SMOC2: variants seen among roughly 807,000 people sequenced by gnomAD.
The protein encoded by SMOC2 is SPARC-related modular calcium-binding protein 2.
SMOC2 carries 39 observed loss-of-function variants against 61.4 expected under a neutral mutation model. The observed-to-expected ratio is 0.64, with a 90% CI of 0.49 to 0.83. SMOC2 has a LOEUF of 0.83. Among genes scored for constraint, SMOC2 ranks in the 40% least tolerant of loss-of-function variants. The pLI is 0.00. For missense variants in SMOC2, 556 were observed against 592.9 expected (o/e 0.94, Z 0.65); for synonymous variants, 247 against 239.9 (o/e 1.03, Z -0.27).
chr6:168,631,033 G>A (rs1428343986), intron 9 of SMOC2, among the ~76,000 whole-genome samples: 1 of 149,008 alleles, frequency 6.7e-6, no homozygotes, highest in Non-Finnish European at 1.5e-5. Context: ...CTTGCCTTGT[G>A]ATATTCTATT....
chr6:168,469,897 G>T (rs1781933149), intron 1 of SMOC2, among the ~76,000 whole-genome samples: 1 of 152,218 alleles, frequency 6.6e-6, no homozygotes, highest in African/African-American at 2.4e-5. Context: ...GTTGTCTTGG[G>T]TTGGAAGACT....
chr6:168,510,003 G>A lies in SMOC2; in HGVS notation c.173G>A (p.Arg58Lys). 4 of 1,614,184 alleles carry A rather than the reference G, an allele frequency of 2.5e-6. No homozygotes were observed. The highest frequency in any genetic ancestry group is 3.4e-6 in the Non-Finnish European group (4 of 1,180,034). The part of the protein sequence containing the change: ...PQKPLCASDG[R>K]TFLSRCEFQR... Reference sequence around the variant, plus strand: ...AAACCTCTCTGCGCATCTGACGGAAGGACCTTCCTTTCCCGTTGTGAATTT... The same window carrying A: ...AAACCTCTCTGCGCATCTGACGGAAAGACCTTCCTTTCCCGTTGTGAATTT... The change falls in exon 2 of 13, where the codon AGG becomes AAG. Residue 58 changes from arginine to lysine, a missense_variant. Transcript: ENST00000356284.
At position 168,544,507 on chromosome 6, in the gene SMOC2, T is replaced by C. The variant is rs1431510780; in HGVS notation, c.511+835T>C. On this transcript the variant is annotated intron_variant, in intron 5 of 12. Transcript: ENST00000356284. The surrounding 1 kb of genome is among the most constrained non-coding windows in gnomAD (Gnocchi z 4.1). ...GGCCAAAATGGTGAAACGCCATCTC[T>C]ACTAAAAAGACAAAAATTAACCAGG... Among the ~76,000 whole-genome samples the C allele has an allele frequency of 6.6e-6, 1 of 152,058 alleles. No homozygotes were observed. Among genetic ancestry groups the C allele is most frequent in the African/African-American group, 2.4e-5 (1 of 41,392 alleles).
intron 7 of SMOC2, among the ~76,000 whole-genome samples, chr6:168,591,729 T>C (rs546582495): frequency 6.6e-6 from 1 of 151,046 alleles, no homozygotes; most frequent in Non-Finnish European, 1.5e-5. Flanking sequence ...ATTGCTTCTA[T>C]TTGCGTCTTT....
chr6:168,483,338 CAAA>C (rs1782255175), intron 1 of SMOC2, among the ~76,000 whole-genome samples: 1 of 151,792 alleles, frequency 6.6e-6, no homozygotes, highest in Admixed American at 6.6e-5. Flanking sequence ...CAATTCTGTT[CAAA>C]ATAATATTAA....
At chr6:168,534,501 C>A (rs1479561961) in intron 4 of SMOC2, among the ~76,000 whole-genome samples, 2 of 152,212 alleles carry the variant, frequency 1.3e-5, no homozygotes, top group Non-Finnish European at 2.9e-5. Flanking sequence ...GGTGATGACT[C>A]CAGAGGCCCT....
At chr6:168,531,386 C>G (rs1783598561) in intron 4 of SMOC2, among the ~76,000 whole-genome samples, 2 of 152,238 alleles carry the variant, frequency 1.3e-5, no homozygotes, top group Admixed American at 6.5e-5. Flanking sequence ...TGCAACGCCA[C>G]TGAAAGCGGT....
At chr6:168,543,903 G>C (rs572096142) in intron 5 of SMOC2, among the ~76,000 whole-genome samples, 1 of 152,066 alleles carries the variant, frequency 6.6e-6, no homozygotes, top group Non-Finnish European at 1.5e-5. Context: ...GGCTTGTTTC[G>C]GGACCAACGG....
intron 7 of SMOC2, among the ~76,000 whole-genome samples, chr6:168,550,674 A>C (rs970495579): frequency 1.2e-4 from 18 of 152,172 alleles, no homozygotes; most frequent in Non-Finnish European, 4.4e-5. Context: ...GGAGATGAGG[A>C]AGGGCAAACC....
chr6:168,664,607 G>A, intron 12 of SMOC2: 1 of 418,834 alleles, frequency 2.4e-6, no homozygotes, highest in African/African-American at 2.1e-5. Flanking sequence ...GCATAAGCAG[G>A]TGCATTTCTG....
At chr6:168,664,437 G>A (rs1787605169) in intron 12 of SMOC2, 2 of 389,024 alleles carry the variant, frequency 5.1e-6, no homozygotes, top group Non-Finnish European at 9.2e-6. Context: ...GTTCTGCCAT[G>A]TTGCCCAGGC....
chr6:168,591,311 A>G (rs1454291398), intron 7 of SMOC2, among the ~76,000 whole-genome samples: 2 of 152,244 alleles, frequency 1.3e-5, no homozygotes, highest in Non-Finnish European at 2.9e-5. Context: ...GCACACAGGC[A>G]ATGCTCGTGG....
intron 9 of SMOC2, among the ~76,000 whole-genome samples, chr6:168,638,292 G>T (rs193290642): frequency 1.2e-3 from 189 of 152,276 alleles, no homozygotes; most frequent in Middle Eastern, 3.4e-3. Flanking sequence ...TTTGACTTTG[G>T]TTTTCACCAC....
intron 1 of SMOC2, among the ~76,000 whole-genome samples, chr6:168,455,269 C>T (rs761467614): frequency 1.9e-4 from 29 of 152,190 alleles, no homozygotes; most frequent in Non-Finnish European, 3.7e-4. Flanking sequence ...TATGAGTTTT[C>T]TTCTTTAAGA....
chr6:168,557,989 C>G (rs1037010840), intron 7 of SMOC2, among the ~76,000 whole-genome samples: 4 of 152,244 alleles, frequency 2.6e-5, no homozygotes, highest in Admixed American at 6.5e-5. Flanking sequence ...AGTTCCAGAG[C>G]TGCTGGCCTC....
At chr6:168,620,787 G>T (rs1364690895) in intron 9 of SMOC2, among the ~76,000 whole-genome samples, 1 of 152,182 alleles carries the variant, frequency 6.6e-6, no homozygotes, top group Admixed American at 6.5e-5. Flanking sequence ...TTGGATATTG[G>T]CCAGAGCACT....
At chr6:168,481,333 A>G (rs1229814645) in intron 1 of SMOC2, among the ~76,000 whole-genome samples, 5 of 152,134 alleles carry the variant, frequency 3.3e-5, no homozygotes, top group African/African-American at 7.2e-5. Flanking sequence ...GAACAGGGTA[A>G]AAAACATGAT....
intron 1 of SMOC2, among the ~76,000 whole-genome samples, chr6:168,485,802 T>A (rs915339415): frequency 2.6e-5 from 4 of 152,198 alleles, no homozygotes; most frequent in African/African-American, 9.6e-5. Flanking sequence ...AATTGTACAA[T>A]TTGAATGGAT....
chr6:168,662,882 C>T (rs900174619), intron 11 of SMOC2, among the ~76,000 whole-genome samples: 3 of 152,118 alleles, frequency 2.0e-5, no homozygotes, highest in African/African-American at 4.8e-5. Context: ...CTGAGCAGCT[C>T]AAGAATGGGG....
Sources: allele counts gnomAD v4.1 joint callset (sites outside exome capture counted in the v4.1 genomes callset), GRCh38; gene constraint gnomAD v4.1.1; non-coding constraint Gnocchi (gnomAD v3.1); transcripts MANE v1.5; gene names NCBI Gene and HGNC (gene_info 2026-07-23, HGNC 2026-07-21).